Variants in HUWE1 observed in about 807,000 individuals in gnomAD.
HUWE1 encodes E3 ubiquitin-protein ligase HUWE1.
HUWE1 carries 18 observed loss-of-function variants against 299.4 expected under a neutral mutation model. The observed-to-expected ratio is 0.06, with a 90% CI of 0.04 to 0.09. The LOEUF (loss-of-function observed/expected upper bound fraction) is 0.09. Ranked by LOEUF, HUWE1 falls within the 10% of genes least tolerant of loss-of-function variation. The pLI is 1.00. For missense variants in HUWE1, 1,832 were observed against 3,462.3 expected (o/e 0.53, Z 11.82); for synonymous variants, 1,317 against 1,286.1 (o/e 1.02, Z -0.51).
Position 53,583,305 on chromosome X carries a change from TA to T in HUWE1, c.5520+252del, listed in dbSNP as rs1229735699. Reference sequence around the variant, plus strand: ...TTGGCTTGGTTAATGAAACCTAGATTAAAAAAAAAAAAAGAAAAAAAGAAAA... The same window carrying T: ...TTGGCTTGGTTAATGAAACCTAGATTAAAAAAAAAAAAGAAAAAAAGAAAA... On this transcript the variant is annotated intron_variant, in intron 42 of 83. Coordinates refer to ENST00000262854, the MANE Select transcript of HUWE1 (RefSeq NM_031407.7). Among the ~76,000 whole-genome samples the T allele has an allele frequency of 2.6e-3, 234 of 90,727 alleles. No individual in the cohort carries two copies. The highest frequency in any genetic ancestry group is 3.2e-3 in the Admixed American group (27 of 8,333). The allele number at this position is 90,727 out of a possible 115,157, so 78.8% of individuals were successfully genotyped here. A position where few individuals can be genotyped will look rare whatever the true frequency, so the allele number is the denominator to read the frequency against.
Position 53,564,563 on chromosome X carries a change from T to C in HUWE1, c.7029+11A>G. 8.3e-7 allele frequency: 1 copy of C among 1,209,778 alleles called. No individual in the cohort carries two copies. Among genetic ancestry groups the C allele is most frequent in the Non-Finnish European group, 1.1e-6 (1 of 895,333 alleles). ...CGCAACAGGGAAATGCTGGGTGATC[T>C]GCCTCCCTACCTGCATCTCTTGTGA... On this transcript the variant is annotated intron_variant, in intron 51 of 83. Coordinates refer to ENST00000262854, the MANE Select transcript of HUWE1 (RefSeq NM_031407.7).
intron 43 of HUWE1, among the ~76,000 whole-genome samples, chrX:53,580,107 A>C (rs182989545): frequency 1.8e-5 from 2 of 111,391 alleles, no homozygotes; most frequent in Non-Finnish European, 3.8e-5. Context: ...TCAAGGACAT[A>C]TATTTTCTTT....
At chrX:53,590,573 ACAGGCAAT>A in intron 34 of HUWE1, 74 bp from the exon 35 acceptor site, 1 of 737,207 alleles carries the variant, frequency 1.4e-6, no homozygotes, top group Non-Finnish European at 2.1e-6. Flanking sequence ...ACTGCAACTC[ACAGGCAAT>A]CAGACATCTT....
intron 42 of HUWE1, 46 bp downstream of exon 42, chrX:53,583,512 G>A: frequency 1.1e-6 from 1 of 894,768 alleles, no homozygotes; most frequent in Non-Finnish European, 1.6e-6. Flanking sequence ...GGAGAACATA[G>A]GTATGATGTA....
At position 53,614,756 on chromosome X, in the gene HUWE1, C is replaced by T. The variant is rs1209653896; in HGVS notation, c.2050-11G>A. ...GATTTCTTCAAGTAACTGAAAGGCA[C>T]AGGAAATAAGATTACTTATTAGTAA... On this transcript the variant is annotated splice_polypyrimidine_tract_variant and intron_variant, in intron 22 of 83. Coordinates refer to ENST00000262854, the MANE Select transcript of HUWE1 (RefSeq NM_031407.7). The T allele has an allele frequency of 8.9e-7, 1 of 1,120,827 alleles. No individual in the cohort carries two copies. Among genetic ancestry groups the T allele is most frequent in the East Asian group, 3.0e-5 (1 of 33,406 alleles). 92.4% of individuals were successfully genotyped at this position (1,120,827 alleles called of 1,213,427 possible).
rs372761975 is a variant in HUWE1 at position 53,586,769 on chromosome X, T to C, written c.4742+13A>G. ...AATAGAAACGAAACTAGGGTAGATA[T>C]AGGGTTACTCACTTTGGGGTCTGGA... On this transcript the variant is annotated intron_variant, in intron 38 of 83. Coordinates refer to ENST00000262854, the MANE Select transcript of HUWE1 (RefSeq NM_031407.7). 7.4e-6 allele frequency: 9 copies of C among 1,209,175 alleles called. No individual in the cohort carries two copies. In the Admixed American group the frequency reaches 8.7e-5, roughly 12 times the overall value.
chrX:53,651,653 T>C (rs1557040255), intron 4 of HUWE1, among the ~76,000 whole-genome samples: 4 of 111,768 alleles, frequency 3.6e-5, no homozygotes, highest in Non-Finnish European at 7.5e-5. Flanking sequence ...TGGTTCCATC[T>C]GCAAATGTGG....
intron 2 of HUWE1, among the ~76,000 whole-genome samples, chrX:53,682,994 CAG>C (rs782619277): frequency 4.5e-5 from 5 of 111,784 alleles, no homozygotes; most frequent in Non-Finnish European, 9.4e-5. Context: ...AAATCCGGAT[CAG>C]AGTCATACAA....
chrX:53,592,387 C>A lies in HUWE1; in HGVS notation c.3972+11G>T, dbSNP rs782011176. The A allele has an allele frequency of 2.5e-6, 3 of 1,178,147 alleles. No individual in the cohort carries two copies. The highest frequency in any genetic ancestry group is 2.3e-6 in the Non-Finnish European group (2 of 866,567). ...AAGTCTGGACCCTGGAGTGTGAGGC[C>A]AGTACCCTACCTGTTGCAGTTGTTG... is the stretch of plus-strand genomic sequence containing the variant. On this transcript the variant is annotated intron_variant, in intron 33 of 83. Coordinates refer to ENST00000262854, the MANE Select transcript of HUWE1 (RefSeq NM_031407.7).
At chrX:53,651,839 C>T (rs1336245860) in intron 4 of HUWE1, among the ~76,000 whole-genome samples, 1 of 111,503 alleles carries the variant, frequency 9.0e-6, no homozygotes, top group Admixed American at 9.6e-5. Context: ...TACTGCCTAC[C>T]TTTACACCTT....
chrX:53,614,455 A>T, intron 23 of HUWE1, 79 bp downstream of exon 23: 1 of 713,194 alleles, frequency 1.4e-6, no homozygotes, highest in South Asian at 2.1e-5. Context: ...TTTATAGATG[A>T]AAGTGTTCAT....
intron 29 of HUWE1, among the ~76,000 whole-genome samples, chrX:53,598,755 T>C (rs1423079461): frequency 9.0e-6 from 1 of 111,459 alleles, no homozygotes; most frequent in Non-Finnish European, 1.9e-5. Flanking sequence ...GTGGAGGAGT[T>C]GCCTCAACCC....
chrX:53,621,971 G>C (rs2066176844), intron 19 of HUWE1, among the ~76,000 whole-genome samples: 1 of 112,374 alleles, frequency 8.9e-6, no homozygotes, highest in African/African-American at 3.2e-5. Context: ...AGAAAGAAGA[G>C]AGGGGAGTTG....
Position 53,563,769 on chromosome X carries a change from C to A in HUWE1, c.7082G>T (p.Gly2361Val). The A allele has an allele frequency of 8.3e-7, 1 of 1,211,420 alleles. No homozygotes were observed. The highest frequency in any genetic ancestry group is 1.1e-6 in the Non-Finnish European group (1 of 895,415). ...LIDELLERDG[G>V]SGNSTIIVSR... The stretch of plus-strand genomic sequence containing the variant: ...ACCTATAATTGTACTGTTCCCAGAT[C>A]CGCCATCCCTCTCAAGCAACTCATC... Residue 2361 changes from glycine to valine, a missense_variant, in exon 52 of 84, where the codon GGA becomes GTA. By Grantham distance (109) the Gly-to-Val change is moderately radical. Coordinates refer to ENST00000262854, the MANE Select transcript of HUWE1 (RefSeq NM_031407.7).
intron 28 of HUWE1, among the ~76,000 whole-genome samples, chrX:53,601,124 T>G (rs1165269097): frequency 5.4e-5 from 6 of 111,453 alleles, no homozygotes; most frequent in Non-Finnish European, 1.1e-4. Context: ...TATGTCAGCT[T>G]TATTAGTTCC....
At chrX:53,595,775 T>G (rs1366399113) in intron 29 of HUWE1, among the ~76,000 whole-genome samples, 2 of 111,740 alleles carry the variant, frequency 1.8e-5, no homozygotes, top group African/African-American at 6.5e-5. Flanking sequence ...GCCACTTAGA[T>G]AAGAAAAGAT....
rs782487374 is a variant in HUWE1 at position 53,549,041 on chromosome X, C to A, written c.9953G>T (p.Gly3318Val). ...GRKHTEKHAS[G>V]GSTVHIHPQA... Reference sequence around the variant, plus strand: ...GGGATGGATGTGGACGGTGGAGCCACCGCTTGCATGCTTCTCGGTATGTTT... The same window carrying A: ...GGGATGGATGTGGACGGTGGAGCCAACGCTTGCATGCTTCTCGGTATGTTT... Residue 3318 changes from glycine to valine, a missense_variant, in exon 67 of 84, where the codon GGT becomes GTT. Around this residue, in one of 15 missense-constraint regions of HUWE1, gnomAD observed 80 missense variants for 142.1 expected, o/e 0.56. Coordinates refer to ENST00000262854, the MANE Select transcript of HUWE1 (RefSeq NM_031407.7). The A allele has an allele frequency of 8.3e-7, 1 of 1,210,604 alleles. No homozygotes were observed. Among genetic ancestry groups the A allele is most frequent in the Admixed American group, 2.2e-5 (1 of 45,975 alleles).
At position 53,565,114 on chromosome X, in the gene HUWE1, T is replaced by A; in HGVS notation, c.6833A>T (p.Asp2278Val). 8.3e-7 allele frequency: 1 copy of A among 1,211,865 alleles called. No individual in the cohort carries two copies. The highest frequency in any genetic ancestry group is 1.1e-6 in the Non-Finnish European group (1 of 895,429). Residue 2278 changes from aspartate (D) to valine (V), a missense_variant, in exon 50 of 84, where the codon GAT (aspartate) becomes GTT (valine). Physicochemically the swap from Asp to Val is radical, Grantham distance 152. This residue lies in a region of HUWE1 where 26 missense variants were observed against 20.7 expected (regional missense o/e 1.26). Transcript: ENST00000262854. ...GGAATCTTGAGAGGCTCCTTGGGCA[T>A]CCTGCTCAGACTTGTTCTTGCTAGA... ...SASSKNKSEQ[D>V]AQGASQDSSS...
intron 74 of HUWE1, among the ~76,000 whole-genome samples, chrX:53,540,780 C>A (rs782723896): frequency 9.0e-6 from 1 of 111,684 alleles, no homozygotes; most frequent in South Asian, 3.9e-4. Context: ...CAGCAAGACA[C>A]AACCCCATCT....
Sources: gnomAD v4.1 joint callset for allele counts (sites outside exome capture counted in the v4.1 genomes callset) on GRCh38, gnomAD v4.1.1 for gene constraint, gnomAD v4.1.1 regional missense constraint, MANE v1.5 for transcripts, NCBI Gene and HGNC (gene_info 2026-07-23, HGNC 2026-07-21) for gene names.